Variants in HOPX observed in about 807,000 individuals in gnomAD.
HOPX encodes the protein HOP homeobox, also known as homeodomain-only protein.
HOPX carries 5 observed loss-of-function variants against 11.8 expected under a neutral mutation model. The ratio of observed to expected loss-of-function variants is 0.43; its 90% CI spans 0.22 to 0.89. The LOEUF (loss-of-function observed/expected upper bound fraction) is 0.89, where lower values mean the gene tolerates loss of function less well. Among genes scored for constraint, HOPX ranks in the 40% least tolerant of loss-of-function variants. HOPX has a pLI of 0.28. For synonymous variants in HOPX, 49 were observed against 49.7 expected (o/e 0.99, Z 0.06); for missense variants, 119 against 120.0 (o/e 0.99, Z 0.04).
chr4:56,670,013 C>A (rs1400502819), intron 1 of HOPX, among the ~76,000 whole-genome samples: 1 of 152,192 alleles, frequency 6.6e-6, no homozygotes, highest in Admixed American at 6.5e-5. Context: ...CCTGATCTTT[C>A]ATTTTTATTG....
chr4:56,652,628 T>G (rs1424088078), intron 3 of HOPX, among the ~76,000 whole-genome samples: 2 of 152,062 alleles, frequency 1.3e-5, no homozygotes, highest in Non-Finnish European at 2.9e-5. Context: ...GGCAACATAG[T>G]GAGACCCCCA....
chr4:56,660,294 A>G (rs1460394815), intron 1 of HOPX, among the ~76,000 whole-genome samples: 1 of 152,182 alleles, frequency 6.6e-6, no homozygotes, highest in African/African-American at 2.4e-5. Flanking sequence ...ACCAAACATT[A>G]CTCTGAATAC....
intron 1 of HOPX, among the ~76,000 whole-genome samples, chr4:56,669,323 T>C (rs1300170909): frequency 6.6e-6 from 1 of 152,190 alleles, no homozygotes. Flanking sequence ...CTTCTTAGTA[T>C]TCAACCTGGC....
chr4:56,656,195 C>T, intron 2 of HOPX, 183 bp from the exon 3 acceptor site: 1 of 1,122,568 alleles, frequency 8.9e-7, no homozygotes, highest in Non-Finnish European at 1.1e-6. Context: ...GCCCCCCACC[C>T]GGGCCTCCCT....
rs1341021676 is a variant in HOPX, at chr4:56,648,062, T to G, written c.*658A>C. The G allele has an allele frequency of 6.6e-6, 1 of 152,210 alleles. No homozygotes were observed. The highest frequency in any genetic ancestry group is 2.4e-5 in the African/African-American group (1 of 41,454). The allele number at this position is 152,210 out of a possible 1,614,324, so 9.4% of individuals were successfully genotyped here. On this transcript the variant is annotated 3_prime_UTR_variant, in exon 4 of 4. Coordinates refer to ENST00000420433, the MANE Select transcript of HOPX (RefSeq NM_032495.6). Reference sequence around the variant, plus strand: ...AGAGACAAAAAGCAGTTCACTTTATTTAGCAAAATAAACTTAACCAATGCA... The same window carrying G: ...AGAGACAAAAAGCAGTTCACTTTATGTAGCAAAATAAACTTAACCAATGCA...
At chr4:56,681,116 A>G in intron 1 of HOPX, 139 bp downstream of exon 1, 1 of 976,360 alleles carries the variant, frequency 1.0e-6, no homozygotes, top group Non-Finnish European at 1.2e-6. Flanking sequence ...GCTTGGGGGT[A>G]AGCTTGTCAT....
chr4:56,671,156 A>C (rs1718716691), intron 1 of HOPX, among the ~76,000 whole-genome samples: 2 of 152,000 alleles, frequency 1.3e-5, no homozygotes, highest in Non-Finnish European at 2.9e-5. Context: ...AATTCTGGGG[A>C]TGTGACATCA....
Position 56,657,917 on chromosome 4 carries a change from G to T in HOPX, c.-83-18C>A. The T allele has an allele frequency of 1.3e-6, 2 of 1,548,006 alleles. No individual in the cohort carries two copies. The highest frequency in any genetic ancestry group is 1.7e-6 in the Non-Finnish European group (2 of 1,145,918). The stretch of plus-strand genomic sequence containing the variant: ...TCATTAGTCTGGTAGGAAAAATCAG[G>T]AGGGCAGTAGTCATAATGCAGGCAG... On this transcript the variant is annotated intron_variant, in intron 1 of 3. Coordinates refer to ENST00000420433, the MANE Select transcript of HOPX (RefSeq NM_032495.6).
upstream of HOPX, chr4:56,681,674 ATGT>A: frequency 2.0e-6 from 2 of 1,000,026 alleles, no homozygotes; most frequent in Non-Finnish European, 2.4e-6. Context: ...TTCCAGTTAG[ATGT>A]TGCCTCATTT....
At chr4:56,655,758 G>T in intron 3 of HOPX, 99 bp downstream of exon 3, 1 of 1,357,980 alleles carries the variant, frequency 7.4e-7, no homozygotes, top group Non-Finnish European at 1.0e-6. Flanking sequence ...CATGGGGAGG[G>T]CAGCCCGGCG....
chr4:56,675,839 G>A (rs1241137834), intron 1 of HOPX, among the ~76,000 whole-genome samples: 1 of 151,558 alleles, frequency 6.6e-6, no homozygotes, highest in Non-Finnish European at 1.5e-5. Flanking sequence ...GATGGGTATG[G>A]TCCAGAACAG....
rs888290837 is a variant in HOPX, at chr4:56,658,687, G to A, written c.-83-788C>T. ...AAAGCTTTTCAACTATTTCCAGTAAGAAAACAGTTGAGAAGTTTCTCTGAA... is the reference window on the plus strand; with the variant it reads ...AAAGCTTTTCAACTATTTCCAGTAAAAAAACAGTTGAGAAGTTTCTCTGAA... On this transcript the variant is annotated intron_variant, in intron 1 of 3. Coordinates refer to ENST00000420433, the MANE Select transcript of HOPX (RefSeq NM_032495.6). Among the ~76,000 whole-genome samples, 13 of 152,306 alleles carry A rather than the reference G, an allele frequency of 8.5e-5. No homozygotes were observed. The East Asian group carries it at 2.5e-3, about 29-fold the overall frequency.
At chr4:56,669,226 T>C (rs918980342) in intron 1 of HOPX, among the ~76,000 whole-genome samples, 5 of 152,186 alleles carry the variant, frequency 3.3e-5, no homozygotes, top group African/African-American at 1.2e-4. Flanking sequence ...TATTCTAGGC[T>C]CTGCTCCTGA....
chr4:56,662,912 T>A (rs1213613834), intron 1 of HOPX: 1 of 152,236 alleles, frequency 6.6e-6, no homozygotes, highest in Non-Finnish European at 1.5e-5. Context: ...AGGCAGCCTG[T>A]CTTTTCTTTC....
intron 3 of HOPX, among the ~76,000 whole-genome samples, chr4:56,653,790 G>T (rs1019424154): frequency 6.6e-6 from 1 of 152,206 alleles, no homozygotes; most frequent in African/African-American, 2.4e-5. Flanking sequence ...CAGAAGGGGG[G>T]AAATGGGAGG....
At chr4:56,653,845 T>C (rs953491137) in intron 3 of HOPX, among the ~76,000 whole-genome samples, 5 of 152,208 alleles carry the variant, frequency 3.3e-5, no homozygotes, top group African/African-American at 1.2e-4. Context: ...GAGGTCTGAA[T>C]TGGCTGACCT....
At position 56,669,302 on chromosome 4, in the gene HOPX, G is replaced by C. The variant is rs192144887; in HGVS notation, c.-83-11403C>G. ...AACGGAGGAACCCATGAAACACTAG[G>C]AACCAAGGAGCTTCTTAGTATTCAA... is the stretch of plus-strand genomic sequence containing the variant. On this transcript the variant is annotated intron_variant, in intron 1 of 3. Coordinates refer to ENST00000420433, the MANE Select transcript of HOPX (RefSeq NM_032495.6). Among the ~76,000 whole-genome samples, 11 of 152,270 alleles carry C rather than the reference G, an allele frequency of 7.2e-5. No individual in the cohort carries two copies. The East Asian group carries it at 1.9e-3, about 27-fold the overall frequency.
intron 1 of HOPX, among the ~76,000 whole-genome samples, chr4:56,671,540 C>T (rs1459795308): frequency 6.6e-6 from 1 of 151,994 alleles, no homozygotes; most frequent in East Asian, 1.9e-4. Flanking sequence ...CCAAATTATG[C>T]CAAAGTCCAA....
In HOPX at chr4:56,648,178, AG is replaced by A. The variant is rs1294545536; in HGVS notation, c.*541del. The A allele has an allele frequency of 6.6e-6, 1 of 152,152 alleles. No homozygotes were observed. The highest frequency in any genetic ancestry group is 2.4e-5 in the African/African-American group (1 of 41,416). The allele number at this position is 152,152 out of a possible 1,614,324, so 9.4% of individuals were successfully genotyped here. On this transcript the variant is annotated 3_prime_UTR_variant, in exon 4 of 4. Coordinates refer to ENST00000420433, the MANE Select transcript of HOPX (RefSeq NM_032495.6). ...TGGAGTTTCTGTCTTCTGGCCCAAC[AG>A]GCTTCTTTCCAAGTTAATGCAGCTA...
Sources: allele counts gnomAD v4.1 joint callset (sites outside exome capture counted in the v4.1 genomes callset), GRCh38; gene constraint gnomAD v4.1.1; transcripts MANE v1.5; gene names NCBI Gene and HGNC (gene_info 2026-07-23, HGNC 2026-07-21).